Variants in LRRC8C observed in about 807,000 individuals in gnomAD.
The protein encoded by LRRC8C is volume-regulated anion channel subunit LRRC8C.
A neutral mutation model predicts 55.3 loss-of-function variants in LRRC8C; 20 were observed. The observed-to-expected ratio is 0.36, with a 90% confidence interval of 0.25 to 0.53. LRRC8C has a LOEUF of 0.53. Among genes scored for constraint, LRRC8C ranks in the 20% least tolerant of loss-of-function variants. The probability of loss-of-function intolerance (pLI) is 0.92; values close to 1 mark genes in which losing one functional copy is unlikely to be tolerated. For missense variants in LRRC8C, 659 were observed against 951.4 expected (o/e 0.69, Z 4.04); for synonymous variants, 376 against 360.7 (o/e 1.04, Z -0.48).
chr1:89,623,989 A>T, the LRRC8C span, among the ~76,000 whole-genome samples: 2 of 152,228 alleles, frequency 1.3e-5, no homozygotes, highest in African/African-American at 4.8e-5. Flanking sequence ...CAGAGACAAA[A>T]GAAAGTTTAC....
At chr1:89,641,241 A>G (rs1014445317) in intron 1 of LRRC8C, among the ~76,000 whole-genome samples, 5 of 152,210 alleles carry the variant, frequency 3.3e-5, no homozygotes, top group Non-Finnish European at 7.4e-5. Flanking sequence ...ATGTGTTAAA[A>G]TTTTATTTGT....
chr1:89,678,495 G>A (rs1000656750), intron 1 of LRRC8C, among the ~76,000 whole-genome samples: 15 of 152,186 alleles, frequency 9.9e-5, no homozygotes, highest in Non-Finnish European at 5.9e-5. Flanking sequence ...GAGGTCAGGA[G>A]TTCAAGACCA....
intron 1 of LRRC8C, among the ~76,000 whole-genome samples, chr1:89,656,769 A>G (rs572585269): frequency 4.6e-5 from 7 of 152,370 alleles, no homozygotes; most frequent in Admixed American, 3.3e-4. Context: ...TGGAACATAC[A>G]GTAAATTGGA....
At chr1:89,625,518 T>C in the LRRC8C span, among the ~76,000 whole-genome samples, 2 of 152,026 alleles carry the variant, frequency 1.3e-5, no homozygotes, top group African/African-American at 2.4e-5. Flanking sequence ...AAAATATGAG[T>C]GGATTCAGGA....
upstream of LRRC8C, among the ~76,000 whole-genome samples, chr1:89,628,207 G>A (rs1253507404): frequency 6.6e-6 from 1 of 152,014 alleles, no homozygotes; most frequent in Non-Finnish European, 1.5e-5. Context: ...CTATTTTTAG[G>A]TCCTTGGTAC....
chr1:89,618,228 C>T, the LRRC8C span, among the ~76,000 whole-genome samples: 44 of 152,132 alleles, frequency 2.9e-4, no homozygotes, highest in Admixed American at 1.8e-3. Flanking sequence ...TGGTCAGACA[C>T]GTCATTTGCA....
intron 1 of LRRC8C, among the ~76,000 whole-genome samples, chr1:89,671,352 A>G (rs1039433380): frequency 6.7e-6 from 1 of 149,968 alleles, no homozygotes; most frequent in African/African-American, 2.5e-5. Context: ...GGAAGGGAAG[A>G]AAAAGAGAAA....
Position 89,671,735 on chromosome 1 carries a change from C to T in LRRC8C, c.-4-14735C>T, listed in dbSNP as rs149557483. Among the ~76,000 whole-genome samples, 37 of 152,292 alleles carry T rather than the reference C, an allele frequency of 2.4e-4. 1 individual carries two copies. The East Asian group carries it at 7.1e-3, about 29-fold the overall frequency. ...TGTTTACGCTGAATTAATGTGGAGG[C>T]ATTGTGTGGAGGATGACCAAGTATA... On this transcript the variant is annotated intron_variant, in intron 1 of 2. Coordinates refer to ENST00000370454, the MANE Select transcript of LRRC8C (RefSeq NM_032270.5).
intron 1 of LRRC8C, among the ~76,000 whole-genome samples, chr1:89,657,248 T>C (rs1284172003): frequency 6.6e-6 from 1 of 152,196 alleles, no homozygotes; most frequent in Middle Eastern, 3.2e-3. Flanking sequence ...TATATTGCCT[T>C]GGACTAAGGA....
At chr1:89,651,478 G>A (rs1240303015) in intron 1 of LRRC8C, among the ~76,000 whole-genome samples, 3 of 143,894 alleles carry the variant, frequency 2.1e-5, no homozygotes, top group Admixed American at 1.5e-4. Flanking sequence ...TGAGGCAGGA[G>A]AATGGCATGA....
intron 1 of LRRC8C, among the ~76,000 whole-genome samples, chr1:89,653,180 C>A (rs1167626396): frequency 1.3e-5 from 2 of 152,162 alleles, no homozygotes; most frequent in Non-Finnish European, 2.9e-5. Context: ...GGTCTCAGGG[C>A]ATTTGTACTC....
the LRRC8C span, among the ~76,000 whole-genome samples, chr1:89,618,664 T>G: frequency 6.6e-6 from 1 of 152,186 alleles, no homozygotes; most frequent in East Asian, 1.9e-4. Context: ...TGAAGTAAGA[T>G]TTCATCTTAT....
intron 2 of LRRC8C, among the ~76,000 whole-genome samples, chr1:89,691,335 T>A (rs1336955420): frequency 6.6e-6 from 1 of 152,182 alleles, no homozygotes; most frequent in Non-Finnish European, 1.5e-5. Context: ...TATATTTTAA[T>A]AAGACGCATG....
intron 2 of LRRC8C, among the ~76,000 whole-genome samples, chr1:89,691,795 T>C (rs1014455952): frequency 6.6e-6 from 1 of 152,162 alleles, no homozygotes; most frequent in Non-Finnish European, 1.5e-5. Flanking sequence ...GCACAGATTG[T>C]GAGGGCAAGG....
At position 89,713,937 on chromosome 1, in the gene LRRC8C, A is replaced by G; in HGVS notation, c.1367A>G (p.Asn456Ser). The G allele has an allele frequency of 6.2e-7, 1 of 1,613,704 alleles. No homozygotes were observed. The highest frequency in any genetic ancestry group is 8.5e-7 in the Non-Finnish European group (1 of 1,179,780). ...TCTCTAAAACTTGAAATCATTAAGA[A>G]CGTAATGATACCAGCCACCATTGCA... ...LQSLKLEIIK[N>S]VMIPATIAQL... The change falls in exon 3 of 3, where the codon AAC becomes AGC. Residue 456 changes from asparagine to serine, a missense_variant. Coordinates refer to ENST00000370454, the MANE Select transcript of LRRC8C (RefSeq NM_032270.5). This position sits in a 1 kb window ranked among gnomAD's most constrained non-coding sequence, Gnocchi z 5.2.
intron 1 of LRRC8C, among the ~76,000 whole-genome samples, chr1:89,652,815 T>TG (rs1374534987): frequency 1.3e-5 from 2 of 152,010 alleles, no homozygotes; most frequent in Non-Finnish European, 1.5e-5. Context: ...GGGGAATCGT[T>TG]GCAATATATA....
chr1:89,675,762 G>A (rs1570715462), intron 1 of LRRC8C, among the ~76,000 whole-genome samples: 3 of 152,274 alleles, frequency 2.0e-5, no homozygotes, highest in Admixed American at 2.0e-4. Flanking sequence ...GGGAGGAGGT[G>A]TGTATCCACG....
At chr1:89,636,282 T>G (rs1656280016) in intron 1 of LRRC8C, among the ~76,000 whole-genome samples, 1 of 152,212 alleles carries the variant, frequency 6.6e-6, no homozygotes, top group South Asian at 2.1e-4. Context: ...ACTTCTGCTG[T>G]ATTTCACTTT....
intron 1 of LRRC8C, among the ~76,000 whole-genome samples, chr1:89,657,310 TTTGTACA>T (rs1444019224): frequency 5.3e-5 from 8 of 152,156 alleles, no homozygotes; most frequent in African/African-American, 1.9e-4. Flanking sequence ...AGGAAGAGAA[TTTGTACA>T]AAATTAAAAT....
Sources: gnomAD v4.1 joint callset for allele counts (sites outside exome capture counted in the v4.1 genomes callset) on GRCh38, gnomAD v4.1.1 for gene constraint, Gnocchi (gnomAD v3.1) non-coding constraint, MANE v1.5 for transcripts, NCBI Gene and HGNC (gene_info 2026-07-23, HGNC 2026-07-21) for gene names.